The following COG5 variants were observed in gnomAD, a reference collection of about 807,000 sequenced individuals.
COG5 encodes the protein component of oligomeric golgi complex 5, also known as conserved oligomeric Golgi complex subunit 5.
In COG5, 86 loss-of-function variants were observed where a neutral mutation model predicts 110.4. That is an observed-to-expected ratio of 0.78 (90% confidence interval 0.65 to 0.93). The LOEUF (loss-of-function observed/expected upper bound fraction) is 0.93. Ranked by LOEUF, COG5 falls within the 40% of genes least tolerant of loss-of-function variation. The probability of loss-of-function intolerance (pLI) is 0.00; values close to 1 mark genes in which losing one functional copy is unlikely to be tolerated. For synonymous variants in COG5, 360 were observed against 334.6 expected (o/e 1.08, Z -0.83); for missense variants, 1,077 against 987.0 (o/e 1.09, Z -1.22).
intron 6 of COG5, among the ~76,000 whole-genome samples, chr7:107,417,076 TGAGAAAGTGCA>T (rs1267790745): frequency 6.6e-6 from 1 of 152,142 alleles, no homozygotes; most frequent in Non-Finnish European, 1.5e-5. Context: ...GATATTTATG[TGAGAAAGTGCA>T]GAGAAAGGAA....
chr7:107,268,186 TCAAA>T (rs1471429553), intron 14 of COG5, among the ~76,000 whole-genome samples: 2 of 152,126 alleles, frequency 1.3e-5, no homozygotes, highest in East Asian at 3.9e-4. Context: ...CAGGCTGGTC[TCAAA>T]CTCCCGAACT....
chr7:107,479,651 AC>A (rs1270111788), intron 6 of COG5, among the ~76,000 whole-genome samples: 1 of 152,144 alleles, frequency 6.6e-6, no homozygotes, highest in Non-Finnish European at 1.5e-5. Context: ...TACTCAAATA[AC>A]TATTTAATTA....
chr7:107,429,130 A>C (rs547638089), intron 6 of COG5, among the ~76,000 whole-genome samples: 1 of 152,242 alleles, frequency 6.6e-6, no homozygotes, highest in Non-Finnish European at 1.5e-5. Context: ...TACTAAGAGT[A>C]CCACTTAAAA....
At chr7:107,518,111 G>A (rs1800068606) in intron 6 of COG5, among the ~76,000 whole-genome samples, 1 of 152,072 alleles carries the variant, frequency 6.6e-6, no homozygotes, top group Non-Finnish European at 1.5e-5. Flanking sequence ...CAAATGCTAA[G>A]GGATTTCATC....
chr7:107,331,853 T>C (rs1407623677), intron 10 of COG5, among the ~76,000 whole-genome samples: 4 of 150,664 alleles, frequency 2.7e-5, no homozygotes, highest in Non-Finnish European at 5.9e-5. Flanking sequence ...TTTTTTTTTT[T>C]TTTTTTGAGA....
chr7:107,382,428 T>C (rs959259272), intron 7 of COG5, among the ~76,000 whole-genome samples: 1 of 152,122 alleles, frequency 6.6e-6, no homozygotes, highest in African/African-American at 2.4e-5. Flanking sequence ...CTGAAGTCTG[T>C]TTTTCTTTTT....
At chr7:107,370,273 T>C (rs760085031) in intron 8 of COG5, among the ~76,000 whole-genome samples, 10 of 152,108 alleles carry the variant, frequency 6.6e-5, no homozygotes, top group Non-Finnish European at 1.3e-4. Context: ...AGAATCCTAT[T>C]ATTTTTAAAA....
intron 6 of COG5, among the ~76,000 whole-genome samples, chr7:107,513,358 A>T (rs1290944304): frequency 6.6e-6 from 1 of 152,028 alleles, no homozygotes; most frequent in Non-Finnish European, 1.5e-5. Flanking sequence ...ATACCATCTC[A>T]CACCAGTTAG....
chr7:107,357,721 T>C (rs1174485556), intron 10 of COG5, among the ~76,000 whole-genome samples: 1 of 152,150 alleles, frequency 6.6e-6, no homozygotes, highest in Non-Finnish European at 1.5e-5. Context: ...CAGGCTAGAG[T>C]GCAGTGGTGC....
intron 12 of COG5, among the ~76,000 whole-genome samples, chr7:107,286,029 T>G (rs1805598173): frequency 6.6e-6 from 1 of 152,174 alleles, no homozygotes; most frequent in Admixed American, 6.5e-5. Flanking sequence ...AAGTCTTTTT[T>G]CCTTTTCCAT....
chr7:107,234,200 T>C (rs536889741), intron 18 of COG5, among the ~76,000 whole-genome samples: 8 of 152,320 alleles, frequency 5.3e-5, no homozygotes, highest in East Asian at 3.9e-4. Context: ...CAAATGTCAC[T>C]GCAGGGCTTA....
At chr7:107,362,212 T>C in intron 9 of COG5, 96 bp downstream of exon 9, 1 of 1,328,552 alleles carries the variant, frequency 7.5e-7, no homozygotes, top group Non-Finnish European at 1.1e-6. Flanking sequence ...GTATTTTGAA[T>C]GCTCATTGAT....
intron 6 of COG5, among the ~76,000 whole-genome samples, chr7:107,424,152 A>G (rs1013976792): frequency 6.6e-6 from 1 of 152,020 alleles, no homozygotes; most frequent in African/African-American, 2.4e-5. Flanking sequence ...GCGTGCCTGT[A>G]GTACCAGCTA....
At position 107,202,611 on chromosome 7, in the gene COG5, A is replaced by AGAT. The variant is rs1798416542; in HGVS notation, c.*902_*904dup. 1 of 152,564 alleles carries AGAT rather than the reference A, an allele frequency of 6.6e-6. No homozygotes were observed. Among genetic ancestry groups the AGAT allele is most frequent in the South Asian group, 2.1e-4 (1 of 4,826 alleles). The allele number at this position is 152,564 out of a possible 1,614,324, so 9.5% of individuals were successfully genotyped here. On this transcript the variant is annotated 3_prime_UTR_variant, in exon 22 of 22. Coordinates refer to ENST00000297135, the MANE Select transcript of COG5 (RefSeq NM_006348.5). ...CTCAGAATAACAGGTTCAGGAGATG[A>AGAT]GATGGAAAACATAAGGCAAATTCCT...
At chr7:107,455,558 A>G (rs897515370) in intron 6 of COG5, among the ~76,000 whole-genome samples, 1 of 152,210 alleles carries the variant, frequency 6.6e-6, no homozygotes, top group Non-Finnish European at 1.5e-5. Context: ...TATGTGACAC[A>G]GACTATATAC....
rs575371032 is a variant in COG5, at chr7:107,205,784, G to T, written c.2376-2154C>A. On this transcript the variant is annotated intron_variant, in intron 21 of 21. Coordinates refer to ENST00000297135, the MANE Select transcript of COG5 (RefSeq NM_006348.5). ...GCAGGAAAGAATGGAAACCATCTTG[G>T]AGTCACACAGGTTTGTGAAACGATC... Among the ~76,000 whole-genome samples, 370 of 152,030 alleles carry T rather than the reference G, an allele frequency of 2.4e-3. 1 individual carries two copies. The highest frequency in any genetic ancestry group is 1.6e-3 in the Non-Finnish European group (111 of 67,978).
At chr7:107,346,899 C>T (rs1482784141) in intron 10 of COG5, among the ~76,000 whole-genome samples, 1 of 152,024 alleles carries the variant, frequency 6.6e-6, no homozygotes, top group East Asian at 1.9e-4. Context: ...TCCCCATCAA[C>T]AGGAGGATAT....
At chr7:107,407,732 G>C (rs1180463435) in intron 7 of COG5, among the ~76,000 whole-genome samples, 2 of 150,696 alleles carry the variant, frequency 1.3e-5, no homozygotes, top group African/African-American at 4.9e-5. Context: ...GTTGGGTAAA[G>C]AATGAATACA....
intron 7 of COG5, among the ~76,000 whole-genome samples, chr7:107,387,674 C>T (rs996973104): frequency 1.3e-5 from 2 of 152,118 alleles, no homozygotes; most frequent in Non-Finnish European, 2.9e-5. Flanking sequence ...AGTTAAAAAC[C>T]GGATGATAAA....
Sources: gnomAD v4.1 joint callset for allele counts (sites outside exome capture counted in the v4.1 genomes callset) on GRCh38, gnomAD v4.1.1 for gene constraint, MANE v1.5 for transcripts, NCBI Gene and HGNC (gene_info 2026-07-23, HGNC 2026-07-21) for gene names.